ASAP1: variants seen among roughly 807,000 people sequenced by gnomAD.
ASAP1 encodes arf-GAP with SH3 domain, ANK repeat and PH domain-containing protein 1.
ASAP1 carries 43 observed loss-of-function variants against 145.2 expected under a neutral mutation model. The ratio of observed to expected loss-of-function variants is 0.30; its 90% CI spans 0.23 to 0.38. The LOEUF (loss-of-function observed/expected upper bound fraction) is 0.38, where lower values mean the gene tolerates loss of function less well. Ranked by LOEUF, ASAP1 falls within the 10% of genes least tolerant of loss-of-function variation. The pLI is 1.00. For missense variants in ASAP1, 1,018 were observed against 1,355.3 expected, an observed-to-expected ratio of 0.75 and a Z score of 3.91; for synonymous variants, 546 against 515.5, an observed-to-expected ratio of 1.06 and a Z score of -0.80.
chr8:130,114,372 T>A (rs2097551418), intron 23 of ASAP1, among the ~76,000 whole-genome samples: 1 of 152,184 alleles, frequency 6.6e-6, no homozygotes, highest in African/African-American at 2.4e-5. Context: ...TACTTGTGTA[T>A]CTAAACATAG....
chr8:130,323,041 T>A (rs1824107600), intron 3 of ASAP1, among the ~76,000 whole-genome samples: 1 of 152,246 alleles, frequency 6.6e-6, no homozygotes, highest in Non-Finnish European at 1.5e-5. Context: ...AATGAAATTA[T>A]CGTGCATCTG....
chr8:130,317,394 A>G (rs1040779721), intron 3 of ASAP1, among the ~76,000 whole-genome samples: 3 of 152,182 alleles, frequency 2.0e-5, no homozygotes, highest in Non-Finnish European at 2.9e-5. Flanking sequence ...CTGAAATGCC[A>G]CCATCAGGGT....
At chr8:130,165,795 T>G (rs1297486090) in intron 11 of ASAP1, among the ~76,000 whole-genome samples, 2 of 152,216 alleles carry the variant, frequency 1.3e-5, no homozygotes, top group African/African-American at 4.8e-5. Context: ...GAGGCTTATA[T>G]TCACTCAATA....
At chr8:130,143,979 C>A (rs1395977082) in intron 13 of ASAP1, among the ~76,000 whole-genome samples, 1 of 152,186 alleles carries the variant, frequency 6.6e-6, no homozygotes, top group Non-Finnish European at 1.5e-5. Context: ...CCTGACCCAG[C>A]CAGGATGAGG....
At position 130,262,319 on chromosome 8, in the gene ASAP1, C is replaced by T. The variant is rs547669267; in HGVS notation, c.187-25325G>A. Reference sequence around the variant, plus strand: ...CTGAGGCAGGACAATAGCTTGAACTCGGGGGATGGAGGTTGCAGTGAGCCG... The same window carrying T: ...CTGAGGCAGGACAATAGCTTGAACTTGGGGGATGGAGGTTGCAGTGAGCCG... On this transcript the variant is annotated intron_variant, in intron 3 of 29. Coordinates refer to ENST00000518721, the MANE Select transcript of ASAP1 (RefSeq NM_018482.4). Among the ~76,000 whole-genome samples, 11 of 134,498 alleles carry T rather than the reference C, an allele frequency of 8.2e-5. No individual in the cohort carries two copies. The East Asian group carries it at 1.3e-3, about 15-fold the overall frequency. 88.2% of individuals were successfully genotyped at this position (134,498 alleles called of 152,430 possible).
chr8:130,287,255 T>C (rs1174383366), intron 3 of ASAP1, among the ~76,000 whole-genome samples: 1 of 152,152 alleles, frequency 6.6e-6, no homozygotes, highest in East Asian at 1.9e-4. Context: ...GATGAAAGTA[T>C]AGAAGGATGA....
intron 27 of ASAP1, among the ~76,000 whole-genome samples, chr8:130,074,440 A>AACACACAC (rs57005471): frequency 5.9e-4 from 71 of 119,328 alleles, no homozygotes; most frequent in East Asian, 2.4e-3. Flanking sequence ...CCAAATAGTA[A>AACACACAC]ACACACACAC....
At chr8:130,273,888 C>G (rs775071131) in intron 3 of ASAP1, among the ~76,000 whole-genome samples, 6 of 152,164 alleles carry the variant, frequency 3.9e-5, no homozygotes, top group Non-Finnish European at 5.9e-5. Context: ...AAGCTCATCA[C>G]TTCCTACTCC....
At chr8:130,347,488 T>G (rs1825765479) in intron 3 of ASAP1, among the ~76,000 whole-genome samples, 1 of 152,234 alleles carries the variant, frequency 6.6e-6, no homozygotes, top group South Asian at 2.1e-4. Context: ...TTAACTGTCA[T>G]GTCAATGAAA....
intron 8 of ASAP1, among the ~76,000 whole-genome samples, chr8:130,180,441 A>G (rs148417560): frequency 0.01 from 1,535 of 152,334 alleles, 16 homozygotes; most frequent in Non-Finnish European, 0.015. Context: ...ATAAAACTTA[A>G]TATTCACCAG....
intron 3 of ASAP1, among the ~76,000 whole-genome samples, chr8:130,346,070 T>C (rs1457051539): frequency 6.6e-6 from 1 of 152,244 alleles, no homozygotes; most frequent in Non-Finnish European, 1.5e-5. Flanking sequence ...CAGGTCTGCC[T>C]TCAAGATTTA....
intron 3 of ASAP1, among the ~76,000 whole-genome samples, chr8:130,244,449 C>T (rs1300110667): frequency 1.3e-5 from 2 of 152,150 alleles, no homozygotes; most frequent in Non-Finnish European, 2.9e-5. Flanking sequence ...ACAATAAACC[C>T]TTCCAAAGCA....
intron 24 of ASAP1, among the ~76,000 whole-genome samples, chr8:130,094,423 G>GT (rs1184278273): frequency 3.9e-5 from 6 of 151,998 alleles, no homozygotes; most frequent in Non-Finnish European, 7.4e-5. Flanking sequence ...GTCTCACTCT[G>GT]TTGTCCAGGC....
At chr8:130,418,471 T>C (rs1829579858) in intron 1 of ASAP1, among the ~76,000 whole-genome samples, 1 of 151,874 alleles carries the variant, frequency 6.6e-6, no homozygotes, top group Non-Finnish European at 1.5e-5. Flanking sequence ...TCACTTGAAC[T>C]CAGGAGGCGG....
chr8:130,292,112 C>T (rs1272245657), intron 3 of ASAP1, among the ~76,000 whole-genome samples: 1 of 152,082 alleles, frequency 6.6e-6, no homozygotes, highest in African/African-American at 2.4e-5. Flanking sequence ...CCCTACTACC[C>T]TTTTGGATGC....
At chr8:130,087,286 G>A (rs185775404) in intron 25 of ASAP1, among the ~76,000 whole-genome samples, 378 of 152,198 alleles carry the variant, frequency 2.5e-3, no homozygotes, top group Non-Finnish European at 4.2e-3. Flanking sequence ...TTGAGAGGCC[G>A]AGATGGGTGG....
intron 13 of ASAP1, among the ~76,000 whole-genome samples, chr8:130,146,723 G>A (rs1007903633): frequency 9.9e-5 from 15 of 152,154 alleles, no homozygotes; most frequent in African/African-American, 2.7e-4. Context: ...CAGCGCTCTG[G>A]ATGGGGCAAG....
intron 26 of ASAP1, among the ~76,000 whole-genome samples, chr8:130,079,392 G>A (rs754760268): frequency 1.3e-5 from 2 of 151,904 alleles, no homozygotes; most frequent in Non-Finnish European, 2.9e-5. Context: ...GTGAAAAAAG[G>A]GAAGAAAAGA....
At chr8:130,254,525 TA>T (rs893375298) in intron 3 of ASAP1, among the ~76,000 whole-genome samples, 1 of 152,134 alleles carries the variant, frequency 6.6e-6, no homozygotes, top group Admixed American at 6.6e-5. Flanking sequence ...AAAGTACTGA[TA>T]AAAAAGTTTT....
Sources: gnomAD v4.1 joint callset for allele counts (sites outside exome capture counted in the v4.1 genomes callset) on GRCh38, gnomAD v4.1.1 for gene constraint, MANE v1.5 for transcripts, NCBI Gene and HGNC (gene_info 2026-07-23, HGNC 2026-07-21) for gene names.